The following LRCH3 variants were observed in gnomAD, a reference collection of about 807,000 sequenced individuals.
LRCH3 encodes leucine rich repeats and calponin homology domain containing 3.
A neutral mutation model predicts 104.5 loss-of-function variants in LRCH3; 68 were observed. That is an observed-to-expected ratio of 0.65 (90% CI 0.54 to 0.80). The LOEUF is 0.80. LRCH3 is among the 30% of genes least tolerant of loss of function. The pLI, the probability that LRCH3 is intolerant of heterozygous loss-of-function variation, is 0.00. For synonymous variants in LRCH3, 344 were observed against 361.3 expected (o/e 0.95, Z 0.54); for missense variants, 951 against 953.9 (o/e 1.00, Z 0.04).
In LRCH3 at chr3:197,887,742, GCC is replaced by G. The variant is rs1375529750; in HGVS notation, c.*4081_*4082del. On this transcript the variant is annotated 3_prime_UTR_variant, in exon 21 of 21. Transcript: ENST00000425562. ...TCACTGACAGTGTCTGGGGCTGAGA[GCC>G]CCCCAGCAGAGCCCTTCCCATCACT... 1 of 132,528 alleles carries G rather than the reference GCC, an allele frequency of 7.5e-6. No individual in the cohort carries two copies. The highest frequency in any genetic ancestry group is 1.5e-5 in the Non-Finnish European group (1 of 64,900). The allele number at this position is 132,528 out of a possible 1,614,324, so 8.2% of individuals were successfully genotyped here. A position where few individuals can be genotyped will look rare whatever the true frequency, so the allele number is the denominator to read the frequency against.
rs1288031549 is a variant in LRCH3 at position 197,870,170 on chromosome 3, A to AC, written c.1888dup (p.Leu630ProfsTer10). 6.2e-7 allele frequency: 1 copy of AC among 1,612,778 alleles called. No individual in the cohort carries two copies. On this transcript the variant is annotated frameshift_variant, in exon 18 of 21. Coordinates refer to ENST00000425562, the MANE Select transcript of LRCH3 (RefSeq NM_001365715.1). LOFTEE classifies it high-confidence loss of function. Reference sequence around the variant, plus strand: ...TTAATATTTTTATAGGTCATGCTTCACCCCTTCCTCCATCTGCTGCACCTA... The same window carrying AC: ...TTAATATTTTTATAGGTCATGCTTCACCCCCTTCCTCCATCTGCTGCACCTA...
Position 197,791,311 on chromosome 3 carries a change from G to A in LRCH3, c.33G>A (p.Ala11=), listed in dbSNP as rs753156861. 3.1e-6 allele frequency: 5 copies of A among 1,609,126 alleles called. No individual in the cohort carries two copies. The highest frequency in any genetic ancestry group is 4.2e-6 in the Non-Finnish European group (5 of 1,178,840). Residue 11 remains alanine (A), a synonymous_variant, in exon 1 of 21, where the codon GCG becomes GCA. Coordinates refer to ENST00000425562, the MANE Select transcript of LRCH3 (RefSeq NM_001365715.1). ...CCGCGGGCTTGGTCGCTGTGGCAGC[G>A]GCTGCCGAGTACTCTGGCACGGTAG... MAAAGLVAVA[A]AAEYSGTVAS... is the part of the protein sequence containing the mutation.
chr3:197,834,770 C>T (rs370204396), intron 8 of LRCH3, among the ~76,000 whole-genome samples: 3 of 152,214 alleles, frequency 2.0e-5, no homozygotes, highest in Non-Finnish European at 4.4e-5. Flanking sequence ...CAATAATTAT[C>T]ATCAATTGCT....
chr3:197,878,322 A>C (rs1713140165), intron 20 of LRCH3, among the ~76,000 whole-genome samples: 1 of 152,210 alleles, frequency 6.6e-6, no homozygotes, highest in Non-Finnish European at 1.5e-5. Flanking sequence ...ACCATCAGCC[A>C]ACAAAGTACA....
At chr3:197,879,515 G>A (rs2015231) in intron 20 of LRCH3, among the ~76,000 whole-genome samples, 28,027 of 147,772 alleles carry the variant, frequency 0.19, 4,590 homozygotes, top group African/African-American at 0.42. Flanking sequence ...GCGTGGTGGC[G>A]GGCGCCTGTA....
intron 17 of LRCH3, among the ~76,000 whole-genome samples, chr3:197,866,913 G>A (rs1183557072): frequency 6.6e-6 from 1 of 151,824 alleles, no homozygotes. Context: ...GCCAAGGCAG[G>A]CAGATCACTT....
Position 197,816,030 on chromosome 3 carries a change from T to C in LRCH3, c.407+978T>C, listed in dbSNP as rs559515829. ...GTTGAAAATAAATTTTCCTCTGGGA[T>C]CTTAGTTTCTTCCAGTTTTTCACCA... On this transcript the variant is annotated intron_variant, in intron 2 of 20. Coordinates refer to ENST00000425562, the MANE Select transcript of LRCH3 (RefSeq NM_001365715.1). Among the ~76,000 whole-genome samples the C allele has an allele frequency of 1.4e-4, 22 of 152,292 alleles. No homozygotes were observed. The South Asian group carries it at 3.9e-3, about 27-fold the overall frequency.
chr3:197,847,376 G>A, intron 10 of LRCH3, 33 bp from the exon 11 acceptor site: 1 of 1,557,630 alleles, frequency 6.4e-7, no homozygotes, highest in South Asian at 1.2e-5. Flanking sequence ...TTATCAAAGA[G>A]TTTTTTTCTT....
chr3:197,886,974 T>C lies in LRCH3; in HGVS notation c.*3308T>C, dbSNP rs1714248971. The C allele has an allele frequency of 6.6e-6, 1 of 152,198 alleles. No homozygotes were observed. The highest frequency in any genetic ancestry group is 1.5e-5 in the Non-Finnish European group (1 of 68,034). The allele number at this position is 152,198 out of a possible 1,614,324, so 9.4% of individuals were successfully genotyped here. ...TTTTGCACATATTATGAAACCTTAT[T>C]AATGTATTTTTATCAAACTAAATCA... is the stretch of plus-strand genomic sequence containing the variant. On this transcript the variant is annotated 3_prime_UTR_variant, in exon 21 of 21. Transcript: ENST00000425562.
intron 1 of LRCH3, among the ~76,000 whole-genome samples, chr3:197,796,931 A>C (rs1250746181): frequency 6.6e-6 from 1 of 152,226 alleles, no homozygotes; most frequent in African/African-American, 2.4e-5. Flanking sequence ...CTAGAGCTTT[A>C]GAATGTAGAG....
At position 197,829,621 on chromosome 3, in the gene LRCH3, A is replaced by G; in HGVS notation, c.835A>G (p.Ile279Val). 1 of 1,613,614 alleles carries G rather than the reference A, an allele frequency of 6.2e-7. No homozygotes were observed. The highest frequency in any genetic ancestry group is 1.3e-5 in the African/African-American group (1 of 75,046). The change falls in exon 6 of 21, where the codon ATT becomes GTT. Residue 279 changes from isoleucine (I) to valine (V), a missense_variant. Ile to Val is a conservative substitution (Grantham distance 29). Coordinates refer to ENST00000425562, the MANE Select transcript of LRCH3 (RefSeq NM_001365715.1). ...ATACCTGAACATACAAGCTTGTAAG[A>G]TTGCTCCAGATCTGCCGGATTATGA... ...FKYLNIQACK[I>V]APDLPDYDRR...
At position 197,885,438 on chromosome 3, in the gene LRCH3, C is replaced by T. The variant is rs1398862385; in HGVS notation, c.*1772C>T. ...CCAGCCTGACCAACATGGAGAAACCCCGTCTCTACTAAAAATACAAAATTA... is the reference window on the plus strand; with the variant it reads ...CCAGCCTGACCAACATGGAGAAACCTCGTCTCTACTAAAAATACAAAATTA... On this transcript the variant is annotated 3_prime_UTR_variant, in exon 21 of 21. Coordinates refer to ENST00000425562, the MANE Select transcript of LRCH3 (RefSeq NM_001365715.1). The T allele has an allele frequency of 6.6e-6, 1 of 152,096 alleles. No homozygotes were observed. 9.4% of individuals were successfully genotyped at this position (152,096 alleles called of 1,614,324 possible).
chr3:197,809,061 G>A (rs1732821481), intron 1 of LRCH3, among the ~76,000 whole-genome samples: 1 of 152,032 alleles, frequency 6.6e-6, no homozygotes, highest in African/African-American at 2.4e-5. Flanking sequence ...AGTTTGGGAG[G>A]CCATGGCAGG....
At chr3:197,793,098 G>A (rs993329377) in intron 1 of LRCH3, among the ~76,000 whole-genome samples, 1 of 152,146 alleles carries the variant, frequency 6.6e-6, no homozygotes, top group African/African-American at 2.4e-5. Context: ...AGTACTTGGT[G>A]TCTTATTTTA....
chr3:197,834,919 G>T (rs765831303), intron 8 of LRCH3, among the ~76,000 whole-genome samples: 1 of 152,108 alleles, frequency 6.6e-6, no homozygotes, highest in Non-Finnish European at 1.5e-5. Flanking sequence ...CACAGTGGGC[G>T]GATCGCTTGA....
At chr3:197,841,014 G>A (rs1297519104) in intron 10 of LRCH3, among the ~76,000 whole-genome samples, 1 of 152,126 alleles carries the variant, frequency 6.6e-6, no homozygotes, top group African/African-American at 2.4e-5. Flanking sequence ...GTAAAAGCTG[G>A]CTCTTTCACT....
rs1177384561 is a variant in LRCH3 at position 197,886,717 on chromosome 3, A to AT, written c.*3052dup. ...CTACTTGGGTGGCTGAGGCACAAGAATCGCTTCAACCTGGAAGCCGAAGGT... is the reference window on the plus strand; with the variant it reads ...CTACTTGGGTGGCTGAGGCACAAGAATTCGCTTCAACCTGGAAGCCGAAGGT... On this transcript the variant is annotated 3_prime_UTR_variant, in exon 21 of 21. Transcript: ENST00000425562. 6.6e-6 allele frequency: 1 copy of AT among 151,038 alleles called. No individual in the cohort carries two copies. The highest frequency in any genetic ancestry group is 1.5e-5 in the Non-Finnish European group (1 of 67,944). The allele number at this position is 151,038 out of a possible 1,614,324, so 9.4% of individuals were successfully genotyped here.
In LRCH3 at chr3:197,860,399, G is replaced by C. The variant is rs540536154; in HGVS notation, c.1716+1494G>C. Among the ~76,000 whole-genome samples, 3 of 152,144 alleles carry C rather than the reference G, an allele frequency of 2.0e-5. No individual in the cohort carries two copies. In the South Asian group the frequency reaches 6.2e-4, roughly 32 times the overall value. On this transcript the variant is annotated intron_variant, in intron 15 of 20. Transcript: ENST00000425562. ...ATATTTTTACTTGTCTCATGTACCA[G>C]AATACTTTCAAATTGTTGCATTGAG...
intron 20 of LRCH3, chr3:197,880,552 T>C (rs369579827): frequency 1.3e-6 from 2 of 1,536,424 alleles, no homozygotes. Flanking sequence ...CAGCTAAACC[T>C]CAGCGTTAAA....
Sources: gnomAD v4.1 joint callset for allele counts (sites outside exome capture counted in the v4.1 genomes callset) on GRCh38, gnomAD v4.1.1 for gene constraint, MANE v1.5 for transcripts, NCBI Gene and HGNC (gene_info 2026-07-23, HGNC 2026-07-21) for gene names.